MYH13: variants seen among roughly 807,000 people sequenced by gnomAD.
MYH13 encodes the protein myosin heavy chain 13.
Under a neutral mutation model 232.1 loss-of-function variants are expected in MYH13, and 177 were observed. That is an observed-to-expected ratio of 0.76 (90% CI 0.67 to 0.86). The LOEUF is 0.86. Among genes scored for constraint, MYH13 ranks in the 40% least tolerant of loss-of-function variants. The probability of loss-of-function intolerance (pLI) is 0.00; values close to 1 mark genes in which losing one functional copy is unlikely to be tolerated. For synonymous variants in MYH13, 884 were observed against 923.5 expected, an observed-to-expected ratio of 0.96 and a Z score of 0.78; for missense variants, 2,246 against 2,405.9, an observed-to-expected ratio of 0.93 and a Z score of 1.39.
In MYH13 at chr17:10,330,525, T is replaced by C. The variant is rs1297992011; in HGVS notation, c.2299-2A>G. The C allele has an allele frequency of 6.2e-7, 1 of 1,604,792 alleles. No homozygotes were observed. Among genetic ancestry groups the C allele is most frequent in the Non-Finnish European group, 8.5e-7 (1 of 1,176,474 alleles). ...CAGGAGCCCAGCTTTGAAAAACACC[T>C]GCATTAAAAGACAGAGGAGCCTTGA... On this transcript the variant is annotated splice_acceptor_variant, in intron 20 of 40. Coordinates refer to ENST00000252172, the MANE Select transcript of MYH13 (RefSeq NM_003802.3). LOFTEE classifies it high-confidence loss of function.
chr17:10,333,887 A>T (rs1283549480), intron 18 of MYH13, among the ~76,000 whole-genome samples: 4 of 151,784 alleles, frequency 2.6e-5, no homozygotes, highest in Admixed American at 2.6e-4. Context: ...CAGTCTAGGC[A>T]AGAAGAGTGA....
chr17:10,365,721 A>T (rs1268615125), intron 2 of MYH13, among the ~76,000 whole-genome samples: 1 of 152,138 alleles, frequency 6.6e-6, no homozygotes, highest in Non-Finnish European at 1.5e-5. Flanking sequence ...TGCATAGGAG[A>T]TGGGGAAGTA....
intron 23 of MYH13, among the ~76,000 whole-genome samples, 167 bp from the exon 24 acceptor site, chr17:10,321,875 C>T (rs961703491): frequency 1.3e-4 from 20 of 152,102 alleles, no homozygotes; most frequent in Admixed American, 5.2e-4. Flanking sequence ...TCTTCCTTAA[C>T]GGTCTATCAT....
At position 10,328,065 on chromosome 17, in the gene MYH13, C is replaced by G; in HGVS notation, c.2492G>C (p.Trp831Ser). Residue 831 changes from tryptophan to serine, a missense_variant, in exon 22 of 41, where the codon TGG (tryptophan) becomes TCG (serine). Coordinates refer to ENST00000252172, the MANE Select transcript of MYH13 (RefSeq NM_003802.3). ...TTTGAAGAACAGGTTCATCCAGGGCCAGTGCTTGACGTTCATAAAAGAGCG... is the reference window on the plus strand; with the variant it reads ...TTTGAAGAACAGGTTCATCCAGGGCGAGTGCTTGACGTTCATAAAAGAGCG... Reference protein sequence around the residue: ...NIRSFMNVKHWPWMNLFFKIK... With the variant: ...NIRSFMNVKHSPWMNLFFKIK... 1 of 1,614,156 alleles carries G rather than the reference C, an allele frequency of 6.2e-7. No homozygotes were observed. Among genetic ancestry groups the G allele is most frequent in the Non-Finnish European group, 8.5e-7 (1 of 1,180,028 alleles).
rs545958649 is a variant in MYH13 at position 10,353,470 on chromosome 17, T to C, written c.1005+1210A>G. ...CCCTTTTCGCAAGCTCTTGAAGCTT[T>C]TGTATGGGTGGAGCCAACAAGGGTG... is the stretch of plus-strand genomic sequence containing the variant. On this transcript the variant is annotated intron_variant, in intron 11 of 40. Coordinates refer to ENST00000252172, the MANE Select transcript of MYH13 (RefSeq NM_003802.3). 3.3e-4 allele frequency among the ~76,000 whole-genome samples: 51 copies of C among 152,284 alleles called. 1 individual carries two copies. The highest frequency in any genetic ancestry group is 1.2e-3 in the African/African-American group (51 of 41,550).
intron 28 of MYH13, 29 bp from the exon 29 acceptor site, chr17:10,315,840 G>A (rs368275034): frequency 2.8e-5 from 45 of 1,613,860 alleles, no homozygotes; most frequent in Non-Finnish European, 3.7e-5. Context: ...CCCCACGTCA[G>A]TGTTACTGAC....
At position 10,309,530 on chromosome 17, in the gene MYH13, G is replaced by T; in HGVS notation, c.4957C>A (p.Gln1653Lys). 1 of 1,607,892 alleles carries T rather than the reference G, an allele frequency of 6.2e-7. No homozygotes were observed. The highest frequency in any genetic ancestry group is 8.5e-7 in the Non-Finnish European group (1 of 1,176,690). The change falls in exon 34 of 41, where the codon CAG becomes AAG. Residue 1653 changes from glutamine (Q) to lysine (K), a missense_variant. Coordinates refer to ENST00000252172, the MANE Select transcript of MYH13 (RefSeq NM_003802.3). ...GCGGCCACCGTGCTCACCTTGAGCT[G>T]GCCCTGGACCGTGCGCAGATGCTTC... ...TQKHLRTVQG[Q>K]LKDSQLHLDD...
intron 19 of MYH13, 82 bp from the exon 20 acceptor site, chr17:10,332,304 C>T: frequency 6.5e-7 from 1 of 1,549,432 alleles, no homozygotes; most frequent in South Asian, 1.1e-5. Flanking sequence ...GAATCTTCTC[C>T]TGCTCAAGCC....
chr17:10,332,148 AG>A lies in MYH13; in HGVS notation c.2248del (p.Leu750SerfsTer31), dbSNP rs1289367390. On this transcript the variant is annotated frameshift_variant, in exon 20 of 41. Transcript: ENST00000252172. LOFTEE classifies it high-confidence loss of function. Reference protein sequence around the residue: ...IDSKNASEKLLNSIDVDREQF... With the variant: ...IDSKNASEKLXNSIDVDREQF... The stretch of plus-strand genomic sequence containing the variant: ...CTCCCGGTCCACATCGATGGAGTTG[AG>A]GAGCTTCTCTGAGGCATTTTTGCTG... 1 of 1,613,900 alleles carries A rather than the reference AG, an allele frequency of 6.2e-7. No individual in the cohort carries two copies. The highest frequency in any genetic ancestry group is 1.3e-5 in the African/African-American group (1 of 74,930).
At chr17:10,305,191 A>G (rs1489746664) in intron 37 of MYH13, among the ~76,000 whole-genome samples, 3 of 152,174 alleles carry the variant, frequency 2.0e-5, no homozygotes, top group Non-Finnish European at 4.4e-5. Context: ...AGGACAGTCA[A>G]GGTGCCTCAC....
chr17:10,302,551 G>A (rs187364148), intron 39 of MYH13, among the ~76,000 whole-genome samples: 65 of 152,178 alleles, frequency 4.3e-4, no homozygotes, highest in Middle Eastern at 3.4e-3. Context: ...TTTCCCAAAC[G>A]ATCTCTTTTC....
In MYH13 at chr17:10,319,162, C is replaced by T; in HGVS notation, c.3366G>A (p.Leu1122=). ...TGTGTTCCGCTTCAATTTCCTCCTC[C>T]AGCTCTTCTATGCGGGCCTGAAAGG... The part of the protein sequence containing the change: ...IKELQARIEE[L]EEEIEAEHTL... Residue 1122 remains leucine (L), a synonymous_variant, in exon 27 of 41, where the codon CTG becomes CTA. Coordinates refer to ENST00000252172, the MANE Select transcript of MYH13 (RefSeq NM_003802.3). 1 of 1,613,982 alleles carries T rather than the reference C, an allele frequency of 6.2e-7. No individual in the cohort carries two copies. The highest frequency in any genetic ancestry group is 8.5e-7 in the Non-Finnish European group (1 of 1,179,948).
At chr17:10,331,267 T>A (rs1322389074) in intron 20 of MYH13, among the ~76,000 whole-genome samples, 1 of 152,126 alleles carries the variant, frequency 6.6e-6, no homozygotes, top group Non-Finnish European at 1.5e-5. Context: ...ACTCCCTCCA[T>A]AACATTCCAG....
chr17:10,368,337 T>A (rs1266671165), intron 2 of MYH13, among the ~76,000 whole-genome samples: 1 of 152,236 alleles, frequency 6.6e-6, no homozygotes, highest in Non-Finnish European at 1.5e-5. Context: ...TTGTTCCTTT[T>A]GGAGAACATG....
chr17:10,354,779 C>T lies in MYH13; in HGVS notation c.906G>A (p.Leu302=). Residue 302 remains leucine, a synonymous_variant, in exon 11 of 41, where the codon CTG becomes CTA. Coordinates refer to ENST00000252172, the MANE Select transcript of MYH13 (RefSeq NM_003802.3). ...CGAAGGGGTTGGTGGAGATCAGAAG[C>T]AGGTCTGTGAAACACAGATATCCCT... is the stretch of plus-strand genomic sequence containing the variant. ...MSNKKPELID[L]LLISTNPFDF... 1 of 1,613,890 alleles carries T rather than the reference C, an allele frequency of 6.2e-7. No homozygotes were observed.
chr17:10,335,033 G>A (rs934949769), intron 18 of MYH13, among the ~76,000 whole-genome samples: 32 of 152,164 alleles, frequency 2.1e-4, no homozygotes, highest in African/African-American at 5.5e-4. Context: ...TACTAGCTTC[G>A]CGGACTTGGC....
At chr17:10,329,124 G>A (rs937871361) in intron 21 of MYH13, among the ~76,000 whole-genome samples, 8 of 151,894 alleles carry the variant, frequency 5.3e-5, no homozygotes, top group African/African-American at 1.2e-4. Flanking sequence ...TTTCATCTCC[G>A]TGCTGGCTTC....
rs1030292170 is a variant in MYH13 at position 10,306,448 on chromosome 17, A to T, written c.5466+11T>A. 18 of 1,614,072 alleles carry T rather than the reference A, an allele frequency of 1.1e-5. No individual in the cohort carries two copies. The highest frequency in any genetic ancestry group is 1.5e-5 in the Non-Finnish European group (18 of 1,179,980). On this transcript the variant is annotated intron_variant, in intron 37 of 40. Coordinates refer to ENST00000252172, the MANE Select transcript of MYH13 (RefSeq NM_003802.3). The surrounding 1 kb of genome is among the most constrained non-coding windows in gnomAD (Gnocchi z 4.3). ...TCACTTTCAGAGTAACAGTCCTCTC[A>T]AAAACTCTACCCGGTTCTCCAGTTT...
intron 2 of MYH13, among the ~76,000 whole-genome samples, chr17:10,370,802 C>G (rs2071872443): frequency 6.6e-6 from 1 of 152,148 alleles, no homozygotes; most frequent in South Asian, 2.1e-4. Context: ...CGGATCCCTC[C>G]CCATTCCTTC....
Sources: allele counts gnomAD v4.1 joint callset (sites outside exome capture counted in the v4.1 genomes callset), GRCh38; gene constraint gnomAD v4.1.1; non-coding constraint Gnocchi (gnomAD v3.1); transcripts MANE v1.5; gene names NCBI Gene and HGNC (gene_info 2026-07-23, HGNC 2026-07-21).